SGCZ: variants seen among roughly 807,000 people sequenced by gnomAD.
SGCZ encodes zeta-sarcoglycan.
A neutral mutation model predicts 41.3 loss-of-function variants in SGCZ; 40 were observed. The observed-to-expected ratio is 0.97, with a 90% CI of 0.75 to 1.26. The LOEUF (loss-of-function observed/expected upper bound fraction) is 1.26, where lower values mean the gene tolerates loss of function less well. Among genes scored for constraint, SGCZ ranks in the 50% most tolerant of loss-of-function variants. The probability of loss-of-function intolerance (pLI) is 0.00; values close to 1 mark genes in which losing one functional copy is unlikely to be tolerated. For missense variants in SGCZ, 552 were observed against 369.8 expected (o/e 1.49, Z -4.04); for synonymous variants, 206 against 137.5 (o/e 1.50, Z -3.49).
intron 2 of SGCZ, among the ~76,000 whole-genome samples, chr8:14,529,568 C>T (rs184714181): frequency 6.6e-6 from 1 of 152,084 alleles, no homozygotes; most frequent in African/African-American, 2.4e-5. Context: ...CATGATCACA[C>T]CTACATAGGA....
chr8:14,604,904 T>C (rs1038341893), intron 1 of SGCZ, among the ~76,000 whole-genome samples: 5 of 152,318 alleles, frequency 3.3e-5, no homozygotes, highest in African/African-American at 1.2e-4. Context: ...TAACAGTTAC[T>C]ACAGAGATTA....
At chr8:14,997,379 G>GAATCAAGA in intron 1 of SGCZ, among the ~76,000 whole-genome samples, 1 of 152,058 alleles carries the variant, frequency 6.6e-6, no homozygotes, top group Non-Finnish European at 1.5e-5. Flanking sequence ...TACCTTATCT[G>GAATCAAGA]AATCAAGATC....
intron 4 of SGCZ, among the ~76,000 whole-genome samples, chr8:14,198,890 T>C (rs1563181050): frequency 1.3e-5 from 2 of 152,224 alleles, no homozygotes; most frequent in Admixed American, 6.5e-5. Context: ...TGTGATTTCC[T>C]ATGGCTGTCT....
intron 1 of SGCZ, among the ~76,000 whole-genome samples, chr8:14,565,178 T>G (rs1804320982): frequency 6.6e-6 from 1 of 152,222 alleles, no homozygotes; most frequent in South Asian, 2.1e-4. Flanking sequence ...CAACTTTTAT[T>G]TAAAATGTGG....
chr8:14,807,923 GC>G (rs1585278742), intron 1 of SGCZ, among the ~76,000 whole-genome samples: 1 of 151,726 alleles, frequency 6.6e-6, no homozygotes, highest in East Asian at 1.9e-4. Flanking sequence ...CAGAAATAAC[GC>G]CGCATATCTA....
At chr8:14,818,120 C>T (rs1246179988) in intron 1 of SGCZ, among the ~76,000 whole-genome samples, 4 of 152,122 alleles carry the variant, frequency 2.6e-5, no homozygotes, top group Admixed American at 2.0e-4. Flanking sequence ...GCAGTGACCC[C>T]AACTCCCTGG....
intron 1 of SGCZ, among the ~76,000 whole-genome samples, chr8:14,834,288 T>A (rs149807456): frequency 1.1e-4 from 17 of 152,316 alleles, no homozygotes; most frequent in Non-Finnish European, 2.5e-4. Flanking sequence ...ATTTTGAGCT[T>A]AGCCATTTTA....
At chr8:14,429,035 T>C (rs1463090000) in intron 2 of SGCZ, among the ~76,000 whole-genome samples, 1 of 152,176 alleles carries the variant, frequency 6.6e-6, no homozygotes. Context: ...GGCAAAGGTG[T>C]TGTGAAGAAC....
At chr8:14,790,758 C>A (rs1401254813) in intron 1 of SGCZ, among the ~76,000 whole-genome samples, 1 of 152,028 alleles carries the variant, frequency 6.6e-6, no homozygotes. Context: ...CAGCCAGGAA[C>A]GTTGGCTATC....
chr8:14,551,090 T>A (rs1278416101), intron 2 of SGCZ, among the ~76,000 whole-genome samples: 1 of 150,426 alleles, frequency 6.6e-6, no homozygotes, highest in Non-Finnish European at 1.5e-5. Flanking sequence ...CCCATTTGCT[T>A]AATAAATATT....
intron 5 of SGCZ, among the ~76,000 whole-genome samples, chr8:14,152,393 G>C (rs1313523448): frequency 6.6e-6 from 1 of 152,176 alleles, no homozygotes; most frequent in Non-Finnish European, 1.5e-5. Flanking sequence ...GTTAGGCAAG[G>C]TGACAAATAC....
At chr8:14,325,426 T>G (rs1244800112) in intron 2 of SGCZ, among the ~76,000 whole-genome samples, 2 of 150,374 alleles carry the variant, frequency 1.3e-5, no homozygotes, top group Non-Finnish European at 3.0e-5. Context: ...AATTTAGCTT[T>G]TCACTTTCTA....
intron 1 of SGCZ, among the ~76,000 whole-genome samples, chr8:15,025,936 C>A (rs549881593): frequency 2.0e-5 from 3 of 151,966 alleles, no homozygotes; most frequent in Admixed American, 2.0e-4. Flanking sequence ...TAAACTTTAC[C>A]TGTTGTTTCG....
At chr8:15,035,066 C>G (rs1020642046) in intron 1 of SGCZ, among the ~76,000 whole-genome samples, 58 of 152,066 alleles carry the variant, frequency 3.8e-4, no homozygotes, top group African/African-American at 1.4e-3. Flanking sequence ...AACTAGTAGT[C>G]TACTGGTGGT....
intron 3 of SGCZ, among the ~76,000 whole-genome samples, chr8:14,243,050 T>C (rs573316049): frequency 6.6e-6 from 1 of 152,336 alleles, no homozygotes; most frequent in Non-Finnish European, 1.5e-5. Context: ...GTTTGTCTTG[T>C]TTCATTTTGT....
chr8:14,449,266 A>T (rs73517495), intron 2 of SGCZ, among the ~76,000 whole-genome samples: 2,605 of 152,304 alleles, frequency 0.017, 86 homozygotes, highest in African/African-American at 0.06. Flanking sequence ...TAAACAAAAC[A>T]TTGGGTTCAC....
chr8:15,060,670 TAAA>T lies in SGCZ; in HGVS notation c.39+176912_39+176914del, dbSNP rs34503809. On this transcript the variant is annotated intron_variant, in intron 1 of 7. Coordinates refer to ENST00000382080, the MANE Select transcript of SGCZ (RefSeq NM_139167.4). ...ACATGTACCCGAAAACTTAAAGTAT[TAAA>T]AAAAAAAAAAAAAAGTCTCCCTTTG... is the stretch of plus-strand genomic sequence containing the variant. 2.2e-3 allele frequency among the ~76,000 whole-genome samples: 319 copies of T among 143,998 alleles called. 1 individual carries two copies. Among genetic ancestry groups the T allele is most frequent in the Admixed American group, 2.4e-3 (35 of 14,542 alleles). The allele number at this position is 143,998 out of a possible 152,430, so 94.5% of individuals were successfully genotyped here.
intron 1 of SGCZ, among the ~76,000 whole-genome samples, chr8:14,782,789 A>G (rs1800630818): frequency 6.6e-6 from 1 of 152,310 alleles, no homozygotes; most frequent in African/African-American, 2.4e-5. Flanking sequence ...GTGGTTATCA[A>G]TTTAATATGA....
At chr8:15,114,834 G>C (rs1281696802) in intron 1 of SGCZ, among the ~76,000 whole-genome samples, 1 of 150,872 alleles carries the variant, frequency 6.6e-6, no homozygotes. Context: ...AGACAAAAAT[G>C]TCAGAGTGAA....
Sources: allele counts gnomAD v4.1 joint callset (sites outside exome capture counted in the v4.1 genomes callset), GRCh38; gene constraint gnomAD v4.1.1; transcripts MANE v1.5; gene names NCBI Gene and HGNC (gene_info 2026-07-23, HGNC 2026-07-21).